Variants in RAMP1 observed in about 807,000 individuals in gnomAD.
RAMP1 encodes the protein receptor activity-modifying protein 1.
RAMP1 carries 7 observed loss-of-function variants against 8.2 expected under a neutral mutation model. That is an observed-to-expected ratio of 0.85 (90% CI 0.49 to 1.60). RAMP1 has a LOEUF of 1.60. Ranked by LOEUF, RAMP1 falls within the 40% of genes most tolerant of loss-of-function variation. RAMP1 has a pLI of 0.00. For missense variants in RAMP1, 192 were observed against 202.4 expected, an observed-to-expected ratio of 0.95 and a Z score of 0.31; for synonymous variants, 92 against 84.7, an observed-to-expected ratio of 1.09 and a Z score of -0.47.
intron 2 of RAMP1, among the ~76,000 whole-genome samples, chr2:237,905,947 G>A (rs1279100781): frequency 6.7e-6 from 1 of 149,552 alleles, no homozygotes; most frequent in Non-Finnish European, 1.5e-5. Flanking sequence ...GGAAGCGGAG[G>A]TTGCAGTGAG....
At position 237,876,876 on chromosome 2, in the gene RAMP1, T is replaced by G. The variant is rs548845071; in HGVS notation, c.53-348T>G. 3.3e-5 allele frequency among the ~76,000 whole-genome samples: 5 copies of G among 151,726 alleles called. No individual in the cohort carries two copies. The East Asian group carries it at 9.8e-4, about 30-fold the overall frequency. Reference sequence around the variant, plus strand: ...GGGGGGCACAGCCCAGCCCAGCCCATCCCCAGGTACCCGTGGAACAGGGGC... The same window carrying G: ...GGGGGGCACAGCCCAGCCCAGCCCAGCCCCAGGTACCCGTGGAACAGGGGC... On this transcript the variant is annotated intron_variant, in intron 1 of 2. Transcript: ENST00000254661.
At chr2:237,899,108 T>A (rs1192079305) in intron 2 of RAMP1, among the ~76,000 whole-genome samples, 1 of 151,822 alleles carries the variant, frequency 6.6e-6, no homozygotes, top group Non-Finnish European at 1.5e-5. Context: ...TCACACTCTG[T>A]CACCCATGCT....
chr2:237,900,801 G>A (rs1456922971), intron 2 of RAMP1, among the ~76,000 whole-genome samples: 1 of 151,738 alleles, frequency 6.6e-6, no homozygotes, highest in African/African-American at 2.4e-5. Context: ...TTAGTTTTCA[G>A]TATTGTAGCC....
chr2:237,911,503 T>C (rs2062712071), intron 2 of RAMP1, 25 bp from the exon 3 acceptor site: 1 of 1,612,046 alleles, frequency 6.2e-7, no homozygotes, highest in South Asian at 1.1e-5. Flanking sequence ...GCCCAGGGTC[T>C]TACCACCTCC....
chr2:237,876,684 G>A (rs951462051), intron 1 of RAMP1, among the ~76,000 whole-genome samples: 15 of 152,182 alleles, frequency 9.9e-5, no homozygotes, highest in Non-Finnish European at 1.8e-4. Flanking sequence ...AGCTACGGGG[G>A]AAATTAGTCA....
chr2:237,905,663 A>G (rs2062643928), intron 2 of RAMP1, among the ~76,000 whole-genome samples: 2 of 152,156 alleles, frequency 1.3e-5, no homozygotes, highest in African/African-American at 4.8e-5. Flanking sequence ...ACCAAAAACT[A>G]AACTGCCTGC....
chr2:237,876,475 G>A (rs2062304821), intron 1 of RAMP1, among the ~76,000 whole-genome samples: 1 of 152,090 alleles, frequency 6.6e-6, no homozygotes, highest in Non-Finnish European at 1.5e-5. Flanking sequence ...GGCCTGGGGG[G>A]AAAAGGAGGG....
At position 237,877,222 on chromosome 2, in the gene RAMP1, A is replaced by G; in HGVS notation, c.53-2A>G. ...ATCTCTTCATGGCCGTGTCTATTTC[A>G]GCCCATCACCTCTTCATGACCACTG... On this transcript the variant is annotated splice_acceptor_variant, in intron 1 of 2. Coordinates refer to ENST00000254661, the MANE Select transcript of RAMP1 (RefSeq NM_005855.4). LOFTEE classifies it high-confidence loss of function. The surrounding 1 kb of genome is among the most constrained non-coding windows in gnomAD (Gnocchi z 4.4). 1 of 1,613,848 alleles carries G rather than the reference A, an allele frequency of 6.2e-7. No homozygotes were observed. The highest frequency in any genetic ancestry group is 8.5e-7 in the Non-Finnish European group (1 of 1,179,990).
At position 237,862,832 on chromosome 2, in the gene RAMP1, C is replaced by T. The variant is rs1402971843; in HGVS notation, c.52+3105C>T. ...GGGAGGAGACTGGCCGCAGGCTGGA[C>T]AGTCAGTGTTCTGCTGGAACCACGG... On this transcript the variant is annotated intron_variant, in intron 1 of 2. Coordinates refer to ENST00000254661, the MANE Select transcript of RAMP1 (RefSeq NM_005855.4). The surrounding 1 kb of genome is among the most constrained non-coding windows in gnomAD (Gnocchi z 4.0). Among the ~76,000 whole-genome samples, 1 of 152,158 alleles carries T rather than the reference C, an allele frequency of 6.6e-6. No individual in the cohort carries two copies. The highest frequency in any genetic ancestry group is 1.9e-4 in the East Asian group (1 of 5,192).
chr2:237,860,139 C>T (rs1221588321), intron 1 of RAMP1: 2 of 160,778 alleles, frequency 1.2e-5, no homozygotes, highest in Non-Finnish European at 2.7e-5. Flanking sequence ...CTAGGCCGTC[C>T]CGCGTTGCAA....
intron 2 of RAMP1, among the ~76,000 whole-genome samples, chr2:237,905,377 A>G (rs935113281): frequency 6.6e-6 from 1 of 152,222 alleles, no homozygotes; most frequent in African/African-American, 2.4e-5. Context: ...TGCACATTAG[A>G]GATATTTTTA....
chr2:237,909,230 C>T (rs115041909), intron 2 of RAMP1, among the ~76,000 whole-genome samples: 2 of 152,298 alleles, frequency 1.3e-5, no homozygotes, highest in East Asian at 1.9e-4. Context: ...GTGTGAGACC[C>T]GTGCAGTCAC....
intron 1 of RAMP1, among the ~76,000 whole-genome samples, chr2:237,872,046 G>A (rs925582633): frequency 1.3e-5 from 2 of 152,236 alleles, no homozygotes; most frequent in Non-Finnish European, 2.9e-5. Flanking sequence ...GCTGAGAATA[G>A]TTTACTACAG....
intron 2 of RAMP1, among the ~76,000 whole-genome samples, chr2:237,900,521 G>C (rs2062586781): frequency 6.6e-6 from 1 of 151,916 alleles, no homozygotes; most frequent in African/African-American, 2.4e-5. Flanking sequence ...GATTTATTTT[G>C]TTCTTTTTAA....
chr2:237,882,220 T>G (rs1384313952), intron 2 of RAMP1, among the ~76,000 whole-genome samples: 1 of 152,218 alleles, frequency 6.6e-6, no homozygotes, highest in East Asian at 1.9e-4. Flanking sequence ...CGTGCCTTCT[T>G]AAATCGTCCC....
chr2:237,859,969 G>A (rs1341113856), intron 1 of RAMP1: 8 of 414,826 alleles, frequency 1.9e-5, no homozygotes, highest in Non-Finnish European at 3.4e-5. Context: ...ACGGCTTTGG[G>A]GACGTCGGAG....
At chr2:237,876,109 G>C (rs1226024614) in intron 1 of RAMP1, among the ~76,000 whole-genome samples, 1 of 152,156 alleles carries the variant, frequency 6.6e-6, no homozygotes. Flanking sequence ...GGTGCCCGGC[G>C]CATCGGGGCA....
intron 1 of RAMP1, among the ~76,000 whole-genome samples, chr2:237,869,353 C>A (rs2117859): frequency 6.6e-6 from 1 of 152,112 alleles, no homozygotes; most frequent in Non-Finnish European, 1.5e-5. Context: ...AGCACACTCA[C>A]GCTGCTGTAC....
chr2:237,874,626 C>T, intron 1 of RAMP1: 10 of 980,124 alleles, frequency 1.0e-5, no homozygotes, highest in Non-Finnish European at 1.2e-5. Context: ...GACCCTGACA[C>T]CCAATCTTTC....
Sources: gnomAD v4.1 joint callset for allele counts (sites outside exome capture counted in the v4.1 genomes callset) on GRCh38, gnomAD v4.1.1 for gene constraint, Gnocchi (gnomAD v3.1) non-coding constraint, MANE v1.5 for transcripts, NCBI Gene and HGNC (gene_info 2026-07-23, HGNC 2026-07-21) for gene names.